The following NXPE3 variants were observed in gnomAD, a reference collection of about 807,000 sequenced individuals.
NXPE3 encodes the protein NXPE family member 3.
In NXPE3, 26 loss-of-function variants were observed where a neutral mutation model predicts 46.1. The observed-to-expected ratio is 0.56, with a 90% CI of 0.41 to 0.78. The LOEUF (loss-of-function observed/expected upper bound fraction) is 0.78. NXPE3 is among the 30% of genes least tolerant of loss of function. The pLI is 0.00. For synonymous variants in NXPE3, 272 were observed against 257.9 expected, an observed-to-expected ratio of 1.05 and a Z score of -0.52; for missense variants, 620 against 686.0, an observed-to-expected ratio of 0.90 and a Z score of 1.07.
rs1468361842 is a variant in NXPE3, at chr3:101,801,420, C to T, written c.279C>T (p.Gly93=). 13 of 1,614,144 alleles carry T rather than the reference C, an allele frequency of 8.1e-6. No homozygotes were observed. Among genetic ancestry groups the T allele is most frequent in the African/African-American group, 1.3e-5 (1 of 75,014 alleles). ...TGCACCGGCAGGTTCCTGATGTGGG[C>T]CCAGTCCCCTTTGTGAAGAGCACTG... ...AALHRQVPDV[G]PVPFVKSTDP... The change falls in exon 5 of 8, where the codon GGC becomes GGT. Residue 93 remains glycine (G), a synonymous_variant. Coordinates refer to ENST00000273347, the MANE Select transcript of NXPE3 (RefSeq NM_145037.4).
At chr3:101,800,704 GT>G (rs34398816) in intron 4 of NXPE3, among the ~76,000 whole-genome samples, 48 of 142,324 alleles carry the variant, frequency 3.4e-4, no homozygotes, top group Middle Eastern at 3.6e-3. Context: ...GTTAAGGGTT[GT>G]TTTTTTTTTT....
intron 6 of NXPE3, among the ~76,000 whole-genome samples, chr3:101,808,480 C>T (rs1941533605): frequency 6.6e-6 from 1 of 151,998 alleles, no homozygotes; most frequent in South Asian, 2.1e-4. Flanking sequence ...AGAGCAAGGA[C>T]CATCTCAAGG....
At chr3:101,798,647 C>CTGT (rs1940977726) in intron 4 of NXPE3, among the ~76,000 whole-genome samples, 1 of 133,014 alleles carries the variant, frequency 7.5e-6, no homozygotes, top group Non-Finnish European at 1.6e-5. Context: ...AAGTCTTGTT[C>CTGT]TGTTGTCCAG....
chr3:101,816,987 C>G lies in NXPE3; in HGVS notation c.1115C>G (p.Thr372Ser). 6.2e-7 allele frequency: 1 copy of G among 1,614,110 alleles called. No individual in the cohort carries two copies. Reference sequence around the variant, plus strand: ...ATCAGGCAATGGTTTGAATACCTTACTACATTTGTTCCAGGTTGGTACTGT... The same window carrying G: ...ATCAGGCAATGGTTTGAATACCTTAGTACATTTGTTCCAGGTTGGTACTGT... ...STIRQWFEYL[T>S]TFVPDLVEFN... Residue 372 changes from threonine (T) to serine (S), a missense_variant, in exon 7 of 8, where the codon ACT becomes AGT. By Grantham distance (58) the Thr-to-Ser change is moderately conservative. This residue lies in a region of NXPE3 where 511 missense variants were observed against 528.6 expected (regional missense o/e 0.97). Transcript: ENST00000273347.
chr3:101,783,767 A>AT (rs1162814762), intron 3 of NXPE3, among the ~76,000 whole-genome samples: 107 of 149,132 alleles, frequency 7.2e-4, no homozygotes, highest in Middle Eastern at 7.0e-3. Flanking sequence ...TGGAAACCTG[A>AT]TTTTTTTTTT....
At chr3:101,791,594 C>T (rs747888698) in intron 4 of NXPE3, among the ~76,000 whole-genome samples, 13 of 152,134 alleles carry the variant, frequency 8.5e-5, no homozygotes, top group Admixed American at 1.3e-4. Context: ...CTATATTGGC[C>T]GGGCTGATCT....
intron 4 of NXPE3, among the ~76,000 whole-genome samples, chr3:101,800,560 C>T (rs1284509846): frequency 1.3e-5 from 2 of 152,108 alleles, no homozygotes; most frequent in African/African-American, 4.8e-5. Flanking sequence ...ATGTCCTTAC[C>T]GATTTTCTGC....
Position 101,801,477 on chromosome 3 carries a change from C to T in NXPE3, c.336C>T (p.Asn112=). ...CTTCCAGCTACTTTGTCATCTTGAA[C>T]TCTGCTGCCTTCTTTAAGGTGGGAA... is the stretch of plus-strand genomic sequence containing the variant. ...DPSSSYFVIL[N]SAAFFKVGSQ... Residue 112 remains asparagine (N), a synonymous_variant, in exon 5 of 8, where the codon AAC becomes AAT. Coordinates refer to ENST00000273347, the MANE Select transcript of NXPE3 (RefSeq NM_145037.4). The T allele has an allele frequency of 1.2e-6, 2 of 1,614,178 alleles. No individual in the cohort carries two copies. The highest frequency in any genetic ancestry group is 1.7e-6 in the Non-Finnish European group (2 of 1,180,040).
intron 6 of NXPE3, among the ~76,000 whole-genome samples, chr3:101,812,568 C>T (rs1372586976): frequency 3.9e-5 from 6 of 151,932 alleles, no homozygotes; most frequent in Admixed American, 3.9e-4. Flanking sequence ...AATCCCAGGA[C>T]TTTGGGAGGC....
At chr3:101,797,410 C>CT (rs535694650) in intron 4 of NXPE3, among the ~76,000 whole-genome samples, 24 of 133,298 alleles carry the variant, frequency 1.8e-4, no homozygotes, top group Admixed American at 2.2e-4. Context: ...TTAAGCTATT[C>CT]TTTTTTTTTT....
At chr3:101,787,028 GCCTGGTCAA>G in intron 4 of NXPE3, among the ~76,000 whole-genome samples, 2 of 152,138 alleles carry the variant, frequency 1.3e-5, no homozygotes, top group East Asian at 3.9e-4. Flanking sequence ...TTCAAGACCA[GCCTGGTCAA>G]CCTGGTGAAA....
At chr3:101,787,451 C>T (rs1445715158) in intron 4 of NXPE3, among the ~76,000 whole-genome samples, 20 of 152,142 alleles carry the variant, frequency 1.3e-4, no homozygotes, top group Non-Finnish European at 1.9e-4. Flanking sequence ...GGATTACAGG[C>T]GTGTGCCACC....
chr3:101,806,405 A>G (rs1941420184), intron 5 of NXPE3, among the ~76,000 whole-genome samples: 1 of 152,152 alleles, frequency 6.6e-6, no homozygotes, highest in Non-Finnish European at 1.5e-5. Flanking sequence ...AAAAATATTT[A>G]CTGAGTGTGG....
At chr3:101,813,127 T>TC (rs1941801241) in intron 6 of NXPE3, among the ~76,000 whole-genome samples, 1 of 152,174 alleles carries the variant, frequency 6.6e-6, no homozygotes, top group Admixed American at 6.5e-5. Context: ...TCATTCCTCA[T>TC]CCTGCTGAGG....
At chr3:101,811,431 A>G (rs1941701825) in intron 6 of NXPE3, among the ~76,000 whole-genome samples, 1 of 152,218 alleles carries the variant, frequency 6.6e-6, no homozygotes, top group Admixed American at 6.5e-5. Flanking sequence ...AATTTTCACA[A>G]TAACCCTTCA....
chr3:101,825,363 C>A lies in NXPE3; in HGVS notation c.*3409C>A, dbSNP rs1942448866. Reference sequence around the variant, plus strand: ...TTTAGATAGAATAATTTAGTTTCTTCTGAAAAGTTTATTTTAGGCTAGTGC... The same window carrying A: ...TTTAGATAGAATAATTTAGTTTCTTATGAAAAGTTTATTTTAGGCTAGTGC... On this transcript the variant is annotated 3_prime_UTR_variant, in exon 8 of 8. Coordinates refer to ENST00000273347, the MANE Select transcript of NXPE3 (RefSeq NM_145037.4). The A allele has an allele frequency of 6.6e-6, 1 of 152,194 alleles. No individual in the cohort carries two copies. The highest frequency in any genetic ancestry group is 1.5e-5 in the Non-Finnish European group (1 of 68,034). The allele number at this position is 152,194 out of a possible 1,614,324, so 9.4% of individuals were successfully genotyped here. A position where few individuals can be genotyped will look rare whatever the true frequency, so the allele number is the denominator to read the frequency against.
At chr3:101,783,270 C>T (rs779565148) in intron 3 of NXPE3, among the ~76,000 whole-genome samples, 2 of 152,080 alleles carry the variant, frequency 1.3e-5, no homozygotes, top group Non-Finnish European at 2.9e-5. Context: ...ACCATGTTAG[C>T]CAGGATGGTC....
At chr3:101,814,442 CT>C (rs1941873789) in intron 6 of NXPE3, among the ~76,000 whole-genome samples, 1 of 152,300 alleles carries the variant, frequency 6.6e-6, no homozygotes, top group Admixed American at 6.5e-5. Flanking sequence ...TCCTTTTCTA[CT>C]TGGGCTCTGA....
intron 7 of NXPE3, among the ~76,000 whole-genome samples, chr3:101,819,418 G>A (rs1391143098): frequency 1.3e-5 from 2 of 152,092 alleles, no homozygotes; most frequent in Non-Finnish European, 2.9e-5. Flanking sequence ...GGAGAAAAGG[G>A]AATTTTTAAT....
Sources: gnomAD v4.1 joint callset for allele counts (sites outside exome capture counted in the v4.1 genomes callset) on GRCh38, gnomAD v4.1.1 for gene constraint, gnomAD v4.1.1 regional missense constraint, MANE v1.5 for transcripts, NCBI Gene and HGNC (gene_info 2026-07-23, HGNC 2026-07-21) for gene names.